GRAMD1C: variants seen among roughly 807,000 people sequenced by gnomAD.
GRAMD1C encodes the protein GRAM domain containing 1C, also known as protein Aster-C.
GRAMD1C carries 89 observed loss-of-function variants against 97.8 expected under a neutral mutation model. That is an observed-to-expected ratio of 0.91 (90% CI 0.77 to 1.09). The LOEUF is 1.09. GRAMD1C is among the 50% of genes least tolerant of loss of function. The pLI is 0.00. For synonymous variants in GRAMD1C, 256 were observed against 267.0 expected, an observed-to-expected ratio of 0.96 and a Z score of 0.40; for missense variants, 740 against 766.4, an observed-to-expected ratio of 0.97 and a Z score of 0.41.
intron 2 of GRAMD1C, among the ~76,000 whole-genome samples, chr3:113,863,576 A>T (rs1482891024): frequency 6.6e-6 from 1 of 152,228 alleles, no homozygotes; most frequent in African/African-American, 2.4e-5. Context: ...TTGTGAGTAT[A>T]CCAAAATCAC....
intron 11 of GRAMD1C, 122 bp downstream of exon 11, chr3:113,930,954 A>T: frequency 3.3e-6 from 2 of 612,820 alleles, no homozygotes; most frequent in Non-Finnish European, 5.9e-6. Flanking sequence ...AAGGGAGGAG[A>T]AACTGTTACA....
chr3:113,837,501 C>A (rs1285469709), upstream of GRAMD1C, among the ~76,000 whole-genome samples: 1 of 152,114 alleles, frequency 6.6e-6, no homozygotes, highest in African/African-American at 2.4e-5. Context: ...TACATTGTTT[C>A]AATCTGGAAG....
chr3:113,892,692 A>G lies in GRAMD1C; in HGVS notation c.541-8339A>G, dbSNP rs1935783747. On this transcript the variant is annotated intron_variant, in intron 6 of 17. Transcript: ENST00000358160. ...TTAGCTCCCATTCTCTAGACAGAGCATTGAATATCTGGGATTTGTGGGGCC... is the reference window on the plus strand; with the variant it reads ...TTAGCTCCCATTCTCTAGACAGAGCGTTGAATATCTGGGATTTGTGGGGCC... 5.3e-5 allele frequency among the ~76,000 whole-genome samples: 8 copies of G among 152,172 alleles called. 1 individual carries two copies. In the South Asian group the frequency reaches 1.7e-3, roughly 32 times the overall value.
At chr3:113,873,017 TG>T (rs1193665429) in intron 3 of GRAMD1C, among the ~76,000 whole-genome samples, 1 of 136,228 alleles carries the variant, frequency 7.3e-6, no homozygotes, top group East Asian at 2.2e-4. Flanking sequence ...CCTGGGAACC[TG>T]GGAGGCGGAG....
intron 2 of GRAMD1C, chr3:113,850,298 GAC>G (rs1933838952): frequency 2.9e-6 from 2 of 698,442 alleles, no homozygotes; most frequent in East Asian, 5.8e-5. Flanking sequence ...TTCGGTTGCT[GAC>G]ACAGCCCCAG....
rs539103365 is a variant in GRAMD1C, at chr3:113,840,650, G to A, written c.27+1714G>A. On this transcript the variant is annotated intron_variant, in intron 1 of 17. Transcript: ENST00000358160. Reference sequence around the variant, plus strand: ...TGGCGCCTGTGGTCCTAGCTATTTGGGAGGCTGAGATAGGAAGATCACTTG... The same window carrying A: ...TGGCGCCTGTGGTCCTAGCTATTTGAGAGGCTGAGATAGGAAGATCACTTG... 2.0e-5 allele frequency among the ~76,000 whole-genome samples: 3 copies of A among 152,294 alleles called. No individual in the cohort carries two copies. The East Asian group carries it at 5.8e-4, about 29-fold the overall frequency.
In GRAMD1C at chr3:113,941,468, T is replaced by G. The variant is rs576992216; in HGVS notation, c.1908+1123T>G. Among the ~76,000 whole-genome samples the G allele has an allele frequency of 2.0e-5, 3 of 152,208 alleles. No homozygotes were observed. The South Asian group carries it at 6.2e-4, about 32-fold the overall frequency. ...TTATGTAATATTCTTACCTTTTCTT[T>G]CCATCTCTTAGTCTTTTTGGTCTGT... On this transcript the variant is annotated intron_variant, in intron 17 of 17. Transcript: ENST00000358160.
At chr3:113,930,392 C>G (rs2107364090) in intron 10 of GRAMD1C, among the ~76,000 whole-genome samples, 1 of 152,286 alleles carries the variant, frequency 6.6e-6, no homozygotes, top group South Asian at 2.1e-4. Flanking sequence ...ATCATTACTT[C>G]TCTTCATAGG....
chr3:113,858,510 T>TTAGCCTCCTGA (rs1934242173), intron 2 of GRAMD1C, among the ~76,000 whole-genome samples: 1 of 150,904 alleles, frequency 6.6e-6, no homozygotes, highest in Non-Finnish European at 1.5e-5. Context: ...TTCCCCTGCC[T>TTAGCCTCCTGA]TAGCCTCCTG....
chr3:113,936,430 G>A lies in GRAMD1C; in HGVS notation c.1621G>A (p.Gly541Arg), dbSNP rs1381502537. Residue 541 changes from glycine to arginine, a missense_variant, in exon 14 of 18, where the codon GGG becomes AGG. By Grantham distance (125) the Gly-to-Arg change is moderately radical (BLOSUM62 -2). Coordinates refer to ENST00000358160, the MANE Select transcript of GRAMD1C (RefSeq NM_017577.5). ...TGGAGATGTGGGCTTAGGTGCCAAA[G>A]GGGATATTACAGGTAGTTGTCACCT... is the stretch of plus-strand genomic sequence containing the variant. ...SSGDVGLGAK[G>R]DITGKKKEME... 6.2e-7 allele frequency: 1 copy of A among 1,606,746 alleles called. No individual in the cohort carries two copies. Among genetic ancestry groups the A allele is most frequent in the Admixed American group, 1.7e-5 (1 of 58,936 alleles).
chr3:113,851,153 G>A (rs1340956712), intron 2 of GRAMD1C, among the ~76,000 whole-genome samples: 4 of 152,006 alleles, frequency 2.6e-5, no homozygotes, highest in Admixed American at 1.3e-4. Context: ...TAAACTGGAG[G>A]GATTTGTAAA....
At chr3:113,869,689 A>C (rs917479252) in intron 3 of GRAMD1C, 98 bp downstream of exon 3, 3 of 627,234 alleles carry the variant, frequency 4.8e-6, no homozygotes, top group Non-Finnish European at 8.5e-6. Flanking sequence ...CCTTTATGCT[A>C]GACAGAATAT....
intron 4 of GRAMD1C, chr3:113,875,788 A>G (rs1577151659): frequency 2.4e-6 from 1 of 423,250 alleles, no homozygotes; most frequent in Non-Finnish European, 4.1e-6. Flanking sequence ...GAGCTCCAGT[A>G]TAGTTAGAGA....
In GRAMD1C at chr3:113,884,558, C is replaced by T. The variant is rs769547159; in HGVS notation, c.540+1726C>T. Among the ~76,000 whole-genome samples the T allele has an allele frequency of 6.6e-5, 10 of 152,198 alleles. No homozygotes were observed. In the East Asian group the frequency reaches 1.2e-3, roughly 18 times the overall value. On this transcript the variant is annotated intron_variant, in intron 6 of 17. Transcript: ENST00000358160. Reference sequence around the variant, plus strand: ...CTGCCTTAAGAAATTAGAGGCCGGGCGCGGTGGCTCACACCTGTAATCCCA... The same window carrying T: ...CTGCCTTAAGAAATTAGAGGCCGGGTGCGGTGGCTCACACCTGTAATCCCA...
At chr3:113,836,109 C>A (rs1312563743), upstream of GRAMD1C, among the ~76,000 whole-genome samples, 1 of 151,638 alleles carries the variant, frequency 6.6e-6, no homozygotes, top group African/African-American at 2.4e-5. Context: ...ACTAAAAATA[C>A]AAAAATTAGC....
intron 2 of GRAMD1C, among the ~76,000 whole-genome samples, chr3:113,847,196 T>G (rs1933648805): frequency 6.6e-6 from 1 of 152,218 alleles, no homozygotes; most frequent in African/African-American, 2.4e-5. Flanking sequence ...CCCAGACCTT[T>G]GTTTTTATAT....
At chr3:113,837,656 G>A (rs1167898549), upstream of GRAMD1C, among the ~76,000 whole-genome samples, 1 of 152,184 alleles carries the variant, frequency 6.6e-6, no homozygotes, top group Non-Finnish European at 1.5e-5. Flanking sequence ...GGAGGCCGAA[G>A]GGGGCAGACT....
intron 2 of GRAMD1C, among the ~76,000 whole-genome samples, chr3:113,855,868 C>T (rs1352511173): frequency 6.6e-6 from 1 of 151,700 alleles, no homozygotes; most frequent in Non-Finnish European, 1.5e-5. Context: ...AAACATTTTC[C>T]CCTCTTATAT....
At chr3:113,911,274 C>T (rs1936565741) in intron 9 of GRAMD1C, among the ~76,000 whole-genome samples, 3 of 151,018 alleles carry the variant, frequency 2.0e-5, no homozygotes, top group Non-Finnish European at 2.9e-5. Flanking sequence ...CTGGCTCTGT[C>T]GCCCAGGATG....
Sources: allele counts gnomAD v4.1 joint callset (sites outside exome capture counted in the v4.1 genomes callset), GRCh38; gene constraint gnomAD v4.1.1; transcripts MANE v1.5; gene names NCBI Gene and HGNC (gene_info 2026-07-23, HGNC 2026-07-21).